Variants in BRINP2 observed in about 807,000 individuals in gnomAD.
The protein encoded by BRINP2 is BMP/retinoic acid-inducible neural-specific protein 2.
Under a neutral mutation model 69.2 loss-of-function variants are expected in BRINP2, and 21 were observed. That is an observed-to-expected ratio of 0.30 (90% confidence interval 0.22 to 0.44). The LOEUF is 0.44. Among genes scored for constraint, BRINP2 ranks in the 20% least tolerant of loss-of-function variants. The pLI is 1.00. For missense variants in BRINP2, 877 were observed against 986.0 expected, an observed-to-expected ratio of 0.89 and a Z score of 1.48; for synonymous variants, 380 against 394.1, an observed-to-expected ratio of 0.96 and a Z score of 0.42.
intron 4 of BRINP2, 78 bp downstream of exon 4, chr1:177,257,462 T>A: frequency 2.2e-6 from 3 of 1,367,848 alleles, no homozygotes; most frequent in Non-Finnish European, 3.0e-6. Context: ...CTCAACCATC[T>A]CTAGGTCAGC....
intron 1 of BRINP2, among the ~76,000 whole-genome samples, chr1:177,212,775 C>CA (rs1649264637): frequency 1.3e-5 from 2 of 152,038 alleles, no homozygotes; most frequent in Admixed American, 6.5e-5. Flanking sequence ...TTGTCACACA[C>CA]AAAAAAATGT....
chr1:177,171,101 C>G lies in BRINP2; in HGVS notation c.-708C>G, dbSNP rs1647913047. Among the ~76,000 whole-genome samples, 1 of 152,226 alleles carries G rather than the reference C, an allele frequency of 6.6e-6. No homozygotes were observed. The highest frequency in any genetic ancestry group is 1.5e-5 in the Non-Finnish European group (1 of 68,036). On this transcript the variant is annotated 5_prime_UTR_variant, in exon 1 of 8. Coordinates refer to ENST00000361539, the MANE Select transcript of BRINP2 (RefSeq NM_021165.4). ...CGCTTACGCTGAGCTCGGAGGATCC[C>G]ATTAGGACTTGCCCGGGGATGTGCA...
chr1:177,247,396 G>T (rs571547762), intron 2 of BRINP2, among the ~76,000 whole-genome samples: 1 of 152,302 alleles, frequency 6.6e-6, no homozygotes, highest in Non-Finnish European at 1.5e-5. Context: ...ATTTCCCATG[G>T]GTCATTGGTT....
At chr1:177,218,928 T>C (rs899010284) in intron 1 of BRINP2, among the ~76,000 whole-genome samples, 1 of 152,190 alleles carries the variant, frequency 6.6e-6, no homozygotes, top group Non-Finnish European at 1.5e-5. Flanking sequence ...TGATGTCACT[T>C]CAACTTGCCA....
intron 2 of BRINP2, among the ~76,000 whole-genome samples, chr1:177,239,614 T>A (rs1353676443): frequency 6.6e-6 from 1 of 152,344 alleles, no homozygotes; most frequent in East Asian, 1.9e-4. Context: ...AAACCTTTGG[T>A]GTTGCATGCA....
chr1:177,280,607 T>C lies in BRINP2; in HGVS notation c.1431T>C (p.Cys477=), dbSNP rs1166635687. 1 of 1,614,050 alleles carries C rather than the reference T, an allele frequency of 6.2e-7. No individual in the cohort carries two copies. Among genetic ancestry groups the C allele is most frequent in the Non-Finnish European group, 8.5e-7 (1 of 1,180,030 alleles). ...AHCAPDNSTR[C]GSCNPGYVLA... is the part of the protein sequence containing the mutation. ...GTGCTCCAGACAATAGCACACGCTG[T>C]GGGAGCTGCAACCCGGGCTATGTGC... Residue 477 remains cysteine (C), a synonymous_variant, in exon 8 of 8, where the codon TGT becomes TGC. Coordinates refer to ENST00000361539, the MANE Select transcript of BRINP2 (RefSeq NM_021165.4).
intron 4 of BRINP2, among the ~76,000 whole-genome samples, chr1:177,260,934 A>G (rs1650928893): frequency 6.6e-6 from 1 of 152,182 alleles, no homozygotes; most frequent in Admixed American, 6.5e-5. Context: ...CACCTGTATA[A>G]TGCCAGGTGG....
At chr1:177,177,717 GT>G (rs1648132974) in intron 1 of BRINP2, among the ~76,000 whole-genome samples, 1 of 152,074 alleles carries the variant, frequency 6.6e-6, no homozygotes, top group African/African-American at 2.4e-5. Flanking sequence ...TGTATTTTCA[GT>G]TTTATCATCT....
At chr1:177,276,873 G>C (rs547298324) in intron 6 of BRINP2, among the ~76,000 whole-genome samples, 1 of 152,218 alleles carries the variant, frequency 6.6e-6, no homozygotes, top group African/African-American at 2.4e-5. Context: ...GTTACCTTGA[G>C]ACCTAGATTC....
chr1:177,217,246 C>A (rs1649406900), intron 1 of BRINP2, among the ~76,000 whole-genome samples: 1 of 151,378 alleles, frequency 6.6e-6, no homozygotes, highest in Admixed American at 6.6e-5. Context: ...AATTTTCTGT[C>A]TTCATGTTTA....
At chr1:177,224,587 T>C (rs1649638704) in intron 1 of BRINP2, among the ~76,000 whole-genome samples, 1 of 150,830 alleles carries the variant, frequency 6.6e-6, no homozygotes, top group Non-Finnish European at 1.5e-5. Flanking sequence ...TGGCAAAGGC[T>C]CCTTTTTTTT....
chr1:177,268,470 G>T (rs1267668821), intron 4 of BRINP2, among the ~76,000 whole-genome samples: 1 of 152,154 alleles, frequency 6.6e-6, no homozygotes, highest in Non-Finnish European at 1.5e-5. Context: ...CAGCATATCT[G>T]CCTGTTTCTT....
chr1:177,180,555 G>A (rs1216364516), intron 1 of BRINP2, among the ~76,000 whole-genome samples: 1 of 152,136 alleles, frequency 6.6e-6, no homozygotes, highest in African/African-American at 2.4e-5. Flanking sequence ...TATTCACAGT[G>A]GTTTTCATCT....
At chr1:177,226,353 G>C (rs1354030984) in intron 1 of BRINP2, among the ~76,000 whole-genome samples, 2 of 152,176 alleles carry the variant, frequency 1.3e-5, no homozygotes, top group Admixed American at 1.3e-4. Context: ...AAACTAGGCA[G>C]GCAGGGTGTG....
intron 1 of BRINP2, among the ~76,000 whole-genome samples, chr1:177,185,406 G>C (rs977785076): frequency 1.3e-5 from 2 of 152,120 alleles, no homozygotes; most frequent in African/African-American, 4.8e-5. Context: ...TGCCGTAAGG[G>C]AGAAGGAACC....
At chr1:177,237,476 G>A (rs1412990633) in intron 2 of BRINP2, among the ~76,000 whole-genome samples, 1 of 152,226 alleles carries the variant, frequency 6.6e-6, no homozygotes. Context: ...CCAGTCCCAA[G>A]CATCCCCAGG....
chr1:177,221,732 T>C (rs1164201296), intron 1 of BRINP2, among the ~76,000 whole-genome samples: 2 of 152,066 alleles, frequency 1.3e-5, no homozygotes, highest in Admixed American at 1.3e-4. Flanking sequence ...AACCACTGGG[T>C]CAGGTAATCT....
At chr1:177,214,755 T>A (rs955014339) in intron 1 of BRINP2, among the ~76,000 whole-genome samples, 5 of 152,160 alleles carry the variant, frequency 3.3e-5, no homozygotes, top group Admixed American at 1.3e-4. Context: ...CTTTTCATTA[T>A]TTTTTAGGAT....
intron 2 of BRINP2, among the ~76,000 whole-genome samples, chr1:177,230,606 G>C (rs541905892): frequency 3.3e-5 from 5 of 152,296 alleles, no homozygotes; most frequent in Non-Finnish European, 7.3e-5. Context: ...AGCCCTGAAG[G>C]GTCAGGAACA....
Sources: allele counts gnomAD v4.1 joint callset (sites outside exome capture counted in the v4.1 genomes callset), GRCh38; gene constraint gnomAD v4.1.1; transcripts MANE v1.5; gene names NCBI Gene and HGNC (gene_info 2026-07-23, HGNC 2026-07-21).